RANBP17: variants seen among roughly 807,000 people sequenced by gnomAD.
The protein encoded by RANBP17 is ran-binding protein 17.
In RANBP17, 158 loss-of-function variants were observed where a neutral mutation model predicts 141.2. The observed-to-expected ratio is 1.12, with a 90% CI of 0.98 to 1.28. The LOEUF (loss-of-function observed/expected upper bound fraction) is 1.28. Ranked by LOEUF, RANBP17 falls within the 50% of genes most tolerant of loss-of-function variation. The probability of loss-of-function intolerance (pLI) is 0.00; values close to 1 mark genes in which losing one functional copy is unlikely to be tolerated. For synonymous variants in RANBP17, 430 were observed against 450.0 expected (o/e 0.96, Z 0.56); for missense variants, 1,438 against 1,290.7 (o/e 1.11, Z -1.75).
intron 1 of RANBP17, among the ~76,000 whole-genome samples, chr5:170,872,551 A>G (rs1159406697): frequency 1.3e-5 from 2 of 152,156 alleles, no homozygotes; most frequent in Non-Finnish European, 2.9e-5. Context: ...ACTGTGTTGA[A>G]TAAGAGTGGT....
chr5:171,181,153 T>C (rs1261313899), intron 16 of RANBP17, among the ~76,000 whole-genome samples: 1 of 152,164 alleles, frequency 6.6e-6, no homozygotes, highest in Admixed American at 6.6e-5. Context: ...AAAAACTTGC[T>C]ACCTGACAGC....
chr5:171,032,638 A>T (rs1313356759), intron 14 of RANBP17, among the ~76,000 whole-genome samples: 4 of 152,172 alleles, frequency 2.6e-5, no homozygotes, highest in Non-Finnish European at 5.9e-5. Flanking sequence ...ATATTAAGTC[A>T]TTTTGATATT....
At chr5:171,213,830 A>G (rs551147410) in intron 21 of RANBP17, 92 bp downstream of exon 21, 5 of 956,526 alleles carry the variant, frequency 5.2e-6, no homozygotes, top group Middle Eastern at 2.1e-4. Context: ...TGTCTTTCCA[A>G]GGTAGTTAGC....
intron 25 of RANBP17, among the ~76,000 whole-genome samples, chr5:171,266,249 G>T (rs941902185): frequency 3.3e-5 from 5 of 152,106 alleles, no homozygotes; most frequent in African/African-American, 1.2e-4. Context: ...GGCTCCTAGT[G>T]TATGCCAGGC....
rs1581257366 is a variant in RANBP17, at chr5:170,965,738, G to T, written c.1575-2504G>T. On this transcript the variant is annotated intron_variant, in intron 13 of 27. Coordinates refer to ENST00000523189, the MANE Select transcript of RANBP17 (RefSeq NM_022897.5). ...ATGCAGCGTTATTTCTGAGGGCTCT[G>T]TTCTGTTCCGTTGGTCTGTATCTCT... 3.3e-5 allele frequency among the ~76,000 whole-genome samples: 5 copies of T among 152,222 alleles called. No homozygotes were observed. In the South Asian group the frequency reaches 1.0e-3, roughly 32 times the overall value.
At chr5:170,879,993 C>T (rs1181876316) in intron 2 of RANBP17, among the ~76,000 whole-genome samples, 1 of 152,154 alleles carries the variant, frequency 6.6e-6, no homozygotes, top group Non-Finnish European at 1.5e-5. Context: ...TAACCATAGA[C>T]TTTAAACATC....
chr5:171,250,792 A>T (rs1054444450), intron 24 of RANBP17, among the ~76,000 whole-genome samples: 44 of 152,246 alleles, frequency 2.9e-4, no homozygotes, highest in Admixed American at 2.2e-3. Context: ...AAGAGACTAT[A>T]GCAGTTCTAA....
intron 25 of RANBP17, among the ~76,000 whole-genome samples, chr5:171,293,600 C>T (rs1768637237): frequency 6.6e-6 from 1 of 152,214 alleles, no homozygotes; most frequent in East Asian, 1.9e-4. Flanking sequence ...GAGGCAGGGA[C>T]TGATCATCTT....
At chr5:170,866,536 G>A (rs1282186407) in intron 1 of RANBP17, among the ~76,000 whole-genome samples, 2 of 152,106 alleles carry the variant, frequency 1.3e-5, no homozygotes, top group African/African-American at 4.8e-5. Context: ...TTAGCTGGGC[G>A]TGGTGGCGGG....
chr5:171,179,243 G>C (rs1431788712), intron 16 of RANBP17, among the ~76,000 whole-genome samples: 2 of 152,064 alleles, frequency 1.3e-5, no homozygotes, highest in African/African-American at 4.8e-5. Flanking sequence ...ATCATATGAG[G>C]ATAACTAATT....
chr5:170,988,448 A>G (rs2127561144), intron 14 of RANBP17, among the ~76,000 whole-genome samples: 1 of 151,696 alleles, frequency 6.6e-6, no homozygotes, highest in Non-Finnish European at 1.5e-5. Flanking sequence ...ATACCCAAAT[A>G]CCAAGTAGAT....
intron 14 of RANBP17, chr5:171,028,878 G>T (rs1781384910): frequency 7.8e-7 from 1 of 1,281,284 alleles, no homozygotes; most frequent in Non-Finnish European, 1.0e-6. Flanking sequence ...ACAGAAGACA[G>T]ACATCTTCCT....
chr5:170,877,494 T>A (rs557406786), intron 1 of RANBP17, among the ~76,000 whole-genome samples: 12 of 152,276 alleles, frequency 7.9e-5, no homozygotes, highest in Non-Finnish European at 1.6e-4. Context: ...ACTCCTGGGC[T>A]CAAGCGATCC....
chr5:171,260,022 G>A (rs904331561), intron 24 of RANBP17, among the ~76,000 whole-genome samples: 3 of 147,800 alleles, frequency 2.0e-5, no homozygotes, highest in African/African-American at 5.0e-5. Flanking sequence ...AAATTAGGTC[G>A]GGCGCAGTGG....
At chr5:170,993,868 T>C (rs1778657215) in intron 14 of RANBP17, among the ~76,000 whole-genome samples, 2 of 152,056 alleles carry the variant, frequency 1.3e-5, no homozygotes, top group Admixed American at 6.6e-5. Context: ...AAACAGAATT[T>C]AACAAGTTAA....
intron 12 of RANBP17, among the ~76,000 whole-genome samples, chr5:170,947,687 G>A (rs982309860): frequency 2.0e-5 from 3 of 152,056 alleles, no homozygotes; most frequent in African/African-American, 7.2e-5. Context: ...CACCTGTCTG[G>A]TGTGTGTGCT....
At chr5:171,240,615 A>C (rs1044738766) in intron 22 of RANBP17, among the ~76,000 whole-genome samples, 1 of 151,534 alleles carries the variant, frequency 6.6e-6, no homozygotes, top group Admixed American at 6.6e-5. Flanking sequence ...ACATAGAGTA[A>C]AATGAATAGT....
Position 171,298,759 on chromosome 5 carries a change from C to T in RANBP17, c.3171-3C>T. Reference sequence around the variant, plus strand: ...CCTTGACCCTTTCTTCCTCTTTCTGCAGGTTCACCCAAAATCTGTCTGTAT... The same window carrying T: ...CCTTGACCCTTTCTTCCTCTTTCTGTAGGTTCACCCAAAATCTGTCTGTAT... On this transcript the variant is annotated splice_region_variant and splice_polypyrimidine_tract_variant and intron_variant, in intron 27 of 27. Coordinates refer to ENST00000523189, the MANE Select transcript of RANBP17 (RefSeq NM_022897.5). The T allele has an allele frequency of 6.2e-7, 1 of 1,612,392 alleles. No individual in the cohort carries two copies. Among genetic ancestry groups the T allele is most frequent in the East Asian group, 2.2e-5 (1 of 44,876 alleles).
At chr5:171,100,170 G>C (rs1787042721) in intron 14 of RANBP17, among the ~76,000 whole-genome samples, 1 of 152,216 alleles carries the variant, frequency 6.6e-6, no homozygotes, top group African/African-American at 2.4e-5. Context: ...AATCGTTTCA[G>C]AAGGAATGGT....
Sources: allele counts gnomAD v4.1 joint callset (sites outside exome capture counted in the v4.1 genomes callset), GRCh38; gene constraint gnomAD v4.1.1; transcripts MANE v1.5; gene names NCBI Gene and HGNC (gene_info 2026-07-23, HGNC 2026-07-21).